Variants in MAB21L3 observed in about 807,000 individuals in gnomAD.
The protein encoded by MAB21L3 is mab-21 like 3.
Under a neutral mutation model 37.7 loss-of-function variants are expected in MAB21L3, and 36 were observed. The observed-to-expected ratio is 0.96, with a 90% CI of 0.73 to 1.26. MAB21L3 has a LOEUF of 1.26. Ranked by LOEUF, MAB21L3 falls within the 50% of genes most tolerant of loss-of-function variation. The probability of loss-of-function intolerance (pLI) is 0.00; values close to 1 mark genes in which losing one functional copy is unlikely to be tolerated. For missense variants in MAB21L3, 430 were observed against 447.3 expected (o/e 0.96, Z 0.35); for synonymous variants, 186 against 176.8 (o/e 1.05, Z -0.41).
rs1474476020 is a variant in MAB21L3, at chr1:116,134,814, T to A, written c.*1449T>A. 3 of 152,024 alleles carry A rather than the reference T, an allele frequency of 2.0e-5. No individual in the cohort carries two copies. Among genetic ancestry groups the A allele is most frequent in the Admixed American group, 1.3e-4 (2 of 15,274 alleles). The allele number at this position is 152,024 out of a possible 1,614,324, so 9.4% of individuals were successfully genotyped here. A position where few individuals can be genotyped will look rare whatever the true frequency, so the allele number is the denominator to read the frequency against. ...TCTGTGTGGCACAACCGATCAGGAA[T>A]TCTAGGAGTTCTCGGTGAGATCAAT... On this transcript the variant is annotated 3_prime_UTR_variant, in exon 8 of 8. Coordinates refer to ENST00000369500, the MANE Select transcript of MAB21L3 (RefSeq NM_152367.3).
intron 7 of MAB21L3, among the ~76,000 whole-genome samples, chr1:116,131,699 A>G (rs1217716061): frequency 6.6e-6 from 1 of 152,238 alleles, no homozygotes; most frequent in Admixed American, 6.5e-5. Flanking sequence ...TATTTTTAGT[A>G]GAGATGGGGT....
intron 5 of MAB21L3, among the ~76,000 whole-genome samples, chr1:116,124,612 G>A (rs1484656971): frequency 2.0e-5 from 3 of 152,266 alleles, no homozygotes; most frequent in East Asian, 3.9e-4. Context: ...GATATAAAAT[G>A]CTGTGGATTA....
At chr1:116,126,381 A>G (rs1659908604) in intron 5 of MAB21L3, among the ~76,000 whole-genome samples, 1 of 152,204 alleles carries the variant, frequency 6.6e-6, no homozygotes, top group South Asian at 2.1e-4. Context: ...GCCTGGTTGG[A>G]AAACGAGGCA....
At chr1:116,127,409 C>A in intron 5 of MAB21L3, 57 bp from the exon 6 acceptor site, 1 of 1,539,730 alleles carries the variant, frequency 6.5e-7, no homozygotes, top group African/African-American at 1.4e-5. Flanking sequence ...CTTGTTTGAA[C>A]GCTTGTAATG....
At chr1:116,119,958 G>A (rs1659695843) in intron 3 of MAB21L3, among the ~76,000 whole-genome samples, 1 of 152,142 alleles carries the variant, frequency 6.6e-6, no homozygotes, top group African/African-American at 2.4e-5. Context: ...GCAGGGGTGA[G>A]TACGGAGGCA....
At chr1:116,131,946 T>C (rs553574288) in intron 7 of MAB21L3, among the ~76,000 whole-genome samples, 2 of 152,052 alleles carry the variant, frequency 1.3e-5, no homozygotes, top group Non-Finnish European at 2.9e-5. Flanking sequence ...GACAAGAGGA[T>C]TACAGGACTT....
rs540987489 is a variant in MAB21L3 at position 116,118,058 on chromosome 1, C to T, written c.49-2874C>T. ...TTTTGCAAGGAAAAAAAAAACTGTT[C>T]GCATCCCTGTTGTTTTGGTTTTCCC... On this transcript the variant is annotated intron_variant, in intron 3 of 7. Coordinates refer to ENST00000369500, the MANE Select transcript of MAB21L3 (RefSeq NM_152367.3). Among the ~76,000 whole-genome samples the T allele has an allele frequency of 2.6e-5, 4 of 152,112 alleles. No homozygotes were observed. In the East Asian group the frequency reaches 5.8e-4, roughly 22 times the overall value.
chr1:116,138,114 A>T lies in MAB21L3; in HGVS notation c.*4749A>T, dbSNP rs1188256848. On this transcript the variant is annotated 3_prime_UTR_variant, in exon 8 of 8. Transcript: ENST00000369500. ...ATTGTGCACATGTACCCTAAAACTTAAAGTATGATTAAAAAAAAAAAGTAC... is the reference window on the plus strand; with the variant it reads ...ATTGTGCACATGTACCCTAAAACTTTAAGTATGATTAAAAAAAAAAAGTAC... 6.6e-6 allele frequency among the ~76,000 whole-genome samples: 1 copy of T among 151,866 alleles called. No homozygotes were observed. Among genetic ancestry groups the T allele is most frequent in the African/African-American group, 2.4e-5 (1 of 41,224 alleles).
chr1:116,112,055 A>C (rs1659437591), intron 2 of MAB21L3, among the ~76,000 whole-genome samples: 1 of 152,206 alleles, frequency 6.6e-6, no homozygotes, highest in Non-Finnish European at 1.5e-5. Context: ...GTTGTTGGGC[A>C]GTTTCCTATT....
chr1:116,117,714 C>T (rs1659631353), intron 3 of MAB21L3, among the ~76,000 whole-genome samples: 1 of 152,164 alleles, frequency 6.6e-6, no homozygotes, highest in South Asian at 2.1e-4. Flanking sequence ...GCTATCTCAG[C>T]AGTCTATCGC....
Position 116,113,630 on chromosome 1 carries a change from C to T in MAB21L3, c.48+967C>T, listed in dbSNP as rs115736200. On this transcript the variant is annotated intron_variant, in intron 3 of 7. Transcript: ENST00000369500. ...CAGAAATCCTAAACAGTGTTCGACA[C>T]GTTGAATCCAGTGTGTGCTCATGTT... Among the ~76,000 whole-genome samples, 998 of 152,304 alleles carry T rather than the reference C, an allele frequency of 6.6e-3. 7 individuals carry two copies. The highest frequency in any genetic ancestry group is 0.022 in the African/African-American group (928 of 41,562).
rs1660178315 is a variant in MAB21L3, at chr1:116,135,245, A to C, written c.*1880A>C. ...TAGACTGCTAGCAAGACTAATAAAG[A>C]AAAAAAGAGAGAAGAATCAAATAGA... On this transcript the variant is annotated 3_prime_UTR_variant, in exon 8 of 8. Transcript: ENST00000369500. 1 of 152,008 alleles carries C rather than the reference A, an allele frequency of 6.6e-6. No homozygotes were observed. The highest frequency in any genetic ancestry group is 2.4e-5 in the African/African-American group (1 of 41,354). 9.4% of individuals were successfully genotyped at this position (152,008 alleles called of 1,614,324 possible).
At chr1:116,127,760 C>T in intron 6 of MAB21L3, 116 bp downstream of exon 6, 1 of 1,160,614 alleles carries the variant, frequency 8.6e-7, no homozygotes, top group Non-Finnish European at 1.2e-6. Context: ...ACTAGATCAG[C>T]AGTTCTCAAA....
At chr1:116,119,759 A>G (rs1659691018) in intron 3 of MAB21L3, among the ~76,000 whole-genome samples, 1 of 151,806 alleles carries the variant, frequency 6.6e-6, no homozygotes, top group Non-Finnish European at 1.5e-5. Context: ...TCTTATTTGG[A>G]TTTTTCTGTG....
At chr1:116,115,167 G>A (rs1425109183) in intron 3 of MAB21L3, among the ~76,000 whole-genome samples, 1 of 152,100 alleles carries the variant, frequency 6.6e-6, no homozygotes, top group Non-Finnish European at 1.5e-5. Flanking sequence ...AAGAATGATG[G>A]GTAGGCAGGA....
At position 116,123,933 on chromosome 1, in the gene MAB21L3, C is replaced by T. The variant is rs559875648; in HGVS notation, c.190-133C>T. ...CTTGTAACACCCAGGTCGAGGTCTC[C>T]GTGTATCTGGTCACTCTGCTGAGGG... is the stretch of plus-strand genomic sequence containing the variant. On this transcript the variant is annotated intron_variant, in intron 4 of 7. Coordinates refer to ENST00000369500, the MANE Select transcript of MAB21L3 (RefSeq NM_152367.3). The T allele has an allele frequency of 5.7e-5, 47 of 830,194 alleles. 1 individual carries two copies. In the South Asian group the frequency reaches 6.6e-4, roughly 12 times the overall value. 51.4% of individuals were successfully genotyped at this position (830,194 alleles called of 1,614,324 possible). A position where few individuals can be genotyped will look rare whatever the true frequency, so the allele number is the denominator to read the frequency against.
Position 116,136,637 on chromosome 1 carries a change from A to G in MAB21L3, c.*3272A>G, listed in dbSNP as rs1159962438. Among the ~76,000 whole-genome samples the G allele has an allele frequency of 6.6e-6, 1 of 152,214 alleles. No individual in the cohort carries two copies. Among genetic ancestry groups the G allele is most frequent in the Non-Finnish European group, 1.5e-5 (1 of 68,052 alleles). On this transcript the variant is annotated 3_prime_UTR_variant, in exon 8 of 8. Coordinates refer to ENST00000369500, the MANE Select transcript of MAB21L3 (RefSeq NM_152367.3). ...TGGAAAAAACTACTTTAAAGTTCATATGGAACCAAAAAAGAGCCTGCATTG... is the reference window on the plus strand; with the variant it reads ...TGGAAAAAACTACTTTAAAGTTCATGTGGAACCAAAAAAGAGCCTGCATTG...
chr1:116,121,197 T>C, intron 4 of MAB21L3, 125 bp downstream of exon 4: 1 of 1,009,110 alleles, frequency 9.9e-7, no homozygotes, highest in East Asian at 2.6e-5. Context: ...TTTTCATAGG[T>C]ATTCTTAGTT....
At chr1:116,120,424 C>A (rs56262839) in intron 3 of MAB21L3, among the ~76,000 whole-genome samples, 2 of 123,488 alleles carry the variant, frequency 1.6e-5, no homozygotes, top group African/African-American at 1.0e-4. Flanking sequence ...CACACACACA[C>A]ACACACAAAC....
Sources: allele counts gnomAD v4.1 joint callset (sites outside exome capture counted in the v4.1 genomes callset), GRCh38; gene constraint gnomAD v4.1.1; transcripts MANE v1.5; gene names NCBI Gene and HGNC (gene_info 2026-07-23, HGNC 2026-07-21).